OPCML: variants seen among roughly 807,000 people sequenced by gnomAD.
The protein encoded by OPCML is opioid-binding protein/cell adhesion molecule.
In OPCML, 13 loss-of-function variants were observed where a neutral mutation model predicts 37.8. That is an observed-to-expected ratio of 0.34 (90% CI 0.22 to 0.55). The LOEUF (loss-of-function observed/expected upper bound fraction) is 0.55. Ranked by LOEUF, OPCML falls within the 20% of genes least tolerant of loss-of-function variation. The pLI, the probability that OPCML is intolerant of heterozygous loss-of-function variation, is 0.91. For synonymous variants in OPCML, 176 were observed against 168.8 expected (o/e 1.04, Z -0.33); for missense variants, 341 against 435.6 (o/e 0.78, Z 1.93).
intron 1 of OPCML, among the ~76,000 whole-genome samples, chr11:133,104,181 GA>G (rs1482516583): frequency 6.6e-6 from 1 of 152,230 alleles, no homozygotes; most frequent in Non-Finnish European, 1.5e-5. Context: ...CTTCCTGCCA[GA>G]AGGCATAATG....
chr11:133,129,395 G>C (rs1411261149), intron 1 of OPCML, among the ~76,000 whole-genome samples: 1 of 152,174 alleles, frequency 6.6e-6, no homozygotes, highest in South Asian at 2.1e-4. Context: ...ATTGGGTAGA[G>C]TACACCGAAA....
intron 1 of OPCML, among the ~76,000 whole-genome samples, chr11:133,219,319 C>T (rs1002229183): frequency 3.3e-5 from 5 of 152,184 alleles, no homozygotes; most frequent in East Asian, 1.9e-4. Context: ...TCCAACAGAA[C>T]GTTCTGCAAT....
intron 1 of OPCML, among the ~76,000 whole-genome samples, chr11:133,146,464 G>A (rs1040547862): frequency 2.0e-5 from 3 of 151,846 alleles, no homozygotes; most frequent in Non-Finnish European, 2.9e-5. Flanking sequence ...ACAGGCACCC[G>A]CCACCATGCC....
intron 2 of OPCML, among the ~76,000 whole-genome samples, chr11:132,695,583 C>T (rs139234989): frequency 1.9e-3 from 283 of 152,236 alleles, no homozygotes; most frequent in African/African-American, 6.4e-3. Context: ...TTAGTTGATA[C>T]ATAGAAAAAC....
intron 1 of OPCML, among the ~76,000 whole-genome samples, chr11:133,036,257 T>A (rs1282155516): frequency 6.6e-6 from 1 of 152,212 alleles, no homozygotes; most frequent in South Asian, 2.1e-4. Context: ...GCCAATTCTT[T>A]CCCAGGATGG....
At chr11:132,519,954 T>C (rs2096288685) in intron 4 of OPCML, among the ~76,000 whole-genome samples, 1 of 152,146 alleles carries the variant, frequency 6.6e-6, no homozygotes, top group Admixed American at 6.5e-5. Flanking sequence ...AGAAGAGAAA[T>C]GACGTTGGGA....
At chr11:132,448,435 C>T (rs1277077426) in intron 4 of OPCML, among the ~76,000 whole-genome samples, 1 of 152,200 alleles carries the variant, frequency 6.6e-6, no homozygotes, top group African/African-American at 2.4e-5. Flanking sequence ...AAGGTCTGAG[C>T]TCTGAAGTAT....
At chr11:132,588,944 C>T (rs1392306951) in intron 3 of OPCML, among the ~76,000 whole-genome samples, 1 of 152,160 alleles carries the variant, frequency 6.6e-6, no homozygotes, top group African/African-American at 2.4e-5. Context: ...TGCCCAAACT[C>T]GCATATAACT....
At chr11:132,944,639 C>T (rs1000342491) in intron 1 of OPCML, among the ~76,000 whole-genome samples, 1 of 152,212 alleles carries the variant, frequency 6.6e-6, no homozygotes, top group African/African-American at 2.4e-5. Context: ...GACTGATCCT[C>T]CTAAAACCCC....
intron 4 of OPCML, among the ~76,000 whole-genome samples, chr11:132,454,874 A>G (rs542890911): frequency 6.6e-6 from 1 of 152,174 alleles, no homozygotes; most frequent in African/African-American, 2.4e-5. Context: ...TAAAATGTCA[A>G]TTTATTTTTT....
At chr11:133,031,858 C>T (rs1040283456) in intron 1 of OPCML, among the ~76,000 whole-genome samples, 17 of 152,114 alleles carry the variant, frequency 1.1e-4, no homozygotes, top group Non-Finnish European at 1.8e-4. Context: ...GACCTCTCAA[C>T]AAGAATAAAA....
chr11:133,361,500 G>T lies in OPCML; in HGVS notation c.61+170764C>A, dbSNP rs572169814. ...CTATGCTGTGGGAGGAAGAGCAAGC[G>T]GTTCGCCCGCCGCGCATCAGTGCAC... On this transcript the variant is annotated intron_variant, in intron 1 of 7. Transcript: ENST00000524381. 111 of 153,722 alleles carry T rather than the reference G, an allele frequency of 7.2e-4. 1 individual carries two copies. The South Asian group carries it at 0.018, about 25-fold the overall frequency. 9.5% of individuals were successfully genotyped at this position (153,722 alleles called of 1,614,324 possible).
At chr11:132,860,787 C>A (rs1182191991) in intron 2 of OPCML, 1 of 152,184 alleles carries the variant, frequency 6.6e-6, no homozygotes, top group African/African-American at 2.4e-5. Context: ...TTAACTACCA[C>A]CACCCCACAT....
chr11:133,215,028 A>T (rs1030350438), intron 1 of OPCML, among the ~76,000 whole-genome samples: 6 of 152,218 alleles, frequency 3.9e-5, no homozygotes, highest in Admixed American at 2.0e-4. Context: ...TGGCATAAGC[A>T]TGCATCTTAG....
At chr11:132,518,593 C>A (rs957432328) in intron 4 of OPCML, among the ~76,000 whole-genome samples, 2 of 152,200 alleles carry the variant, frequency 1.3e-5, no homozygotes, top group Admixed American at 1.3e-4. Flanking sequence ...AATACATGCA[C>A]TCATTCCAGT....
Position 132,562,316 on chromosome 11 carries a change from G to C in OPCML, c.380-33130C>G, listed in dbSNP as rs143894812. 2.5e-4 allele frequency among the ~76,000 whole-genome samples: 38 copies of C among 151,982 alleles called. 1 individual carries two copies. The East Asian group carries it at 7.2e-3, about 29-fold the overall frequency. Reference sequence around the variant, plus strand: ...TCTCCTGTAAAGCACTATTTGGAAAGTAGGGGTCTCAGGAAAAAAAAAAAG... The same window carrying C: ...TCTCCTGTAAAGCACTATTTGGAAACTAGGGGTCTCAGGAAAAAAAAAAAG... On this transcript the variant is annotated intron_variant, in intron 3 of 7. Transcript: ENST00000524381.
chr11:133,283,473 C>A (rs954281056), intron 1 of OPCML, among the ~76,000 whole-genome samples: 1 of 151,982 alleles, frequency 6.6e-6, no homozygotes, highest in African/African-American at 2.4e-5. Flanking sequence ...AGGCCCTTAC[C>A]AGAAGCTGAG....
At chr11:132,893,772 A>C (rs1360289951) in intron 2 of OPCML, among the ~76,000 whole-genome samples, 4 of 152,244 alleles carry the variant, frequency 2.6e-5, no homozygotes, top group Non-Finnish European at 5.9e-5. Flanking sequence ...GCTTCAGTCA[A>C]AATATAGAAA....
chr11:132,897,113 C>A (rs1490892097), intron 2 of OPCML, among the ~76,000 whole-genome samples: 2 of 152,170 alleles, frequency 1.3e-5, no homozygotes, highest in Non-Finnish European at 2.9e-5. Context: ...CCTCTTGGGC[C>A]ATATGACCCA....
Sources: allele counts gnomAD v4.1 joint callset (sites outside exome capture counted in the v4.1 genomes callset), GRCh38; gene constraint gnomAD v4.1.1; transcripts MANE v1.5; gene names NCBI Gene and HGNC (gene_info 2026-07-23, HGNC 2026-07-21).